TRAPPC9: variants seen among roughly 807,000 people sequenced by gnomAD.
TRAPPC9 encodes the protein IKK2 binding protein.
TRAPPC9 carries 83 observed loss-of-function variants against 124.0 expected under a neutral mutation model. The observed-to-expected ratio is 0.67, with a 90% CI of 0.56 to 0.80. The LOEUF (loss-of-function observed/expected upper bound fraction) is 0.80. TRAPPC9 is among the 30% of genes least tolerant of loss of function. The pLI is 0.00. For missense variants in TRAPPC9, 1,302 were observed against 1,508.3 expected (o/e 0.86, Z 2.27); for synonymous variants, 638 against 617.5 (o/e 1.03, Z -0.49).
chr8:140,251,151 A>C (rs535304762), intron 16 of TRAPPC9, among the ~76,000 whole-genome samples: 2 of 152,334 alleles, frequency 1.3e-5, no homozygotes, highest in Non-Finnish European at 2.9e-5. Context: ...CCATGGGAGA[A>C]ACCACGGTCA....
chr8:139,989,296 G>A (rs548931386), intron 18 of TRAPPC9, among the ~76,000 whole-genome samples: 7 of 126,246 alleles, frequency 5.5e-5, no homozygotes, highest in Admixed American at 8.2e-5. Flanking sequence ...GCGTGGTGAC[G>A]CATGTCCTGC....
At chr8:140,184,354 A>C (rs1048913340) in intron 17 of TRAPPC9, among the ~76,000 whole-genome samples, 7 of 152,166 alleles carry the variant, frequency 4.6e-5, no homozygotes, top group African/African-American at 1.7e-4. Context: ...CTGTTTGTCT[A>C]TTTGGTAGAA....
At chr8:139,839,479 G>A (rs563681844) in intron 21 of TRAPPC9, among the ~76,000 whole-genome samples, 5 of 152,292 alleles carry the variant, frequency 3.3e-5, no homozygotes, top group East Asian at 1.9e-4. Context: ...GCGGGGATGC[G>A]GACAGTGGGG....
At chr8:140,085,621 T>G (rs2130082130) in intron 17 of TRAPPC9, among the ~76,000 whole-genome samples, 1 of 152,234 alleles carries the variant, frequency 6.6e-6, no homozygotes, top group East Asian at 1.9e-4. Flanking sequence ...TCCCACCAGG[T>G]GACCAATTCT....
intron 9 of TRAPPC9, among the ~76,000 whole-genome samples, chr8:140,321,176 G>C (rs1314476224): frequency 6.6e-6 from 1 of 152,250 alleles, no homozygotes; most frequent in Non-Finnish European, 1.5e-5. Flanking sequence ...ACTGCCTGCG[G>C]CAGAGAAGCC....
chr8:140,379,931 G>GA (rs934802052), intron 7 of TRAPPC9, among the ~76,000 whole-genome samples: 1 of 152,034 alleles, frequency 6.6e-6, no homozygotes, highest in African/African-American at 2.4e-5. Context: ...CTCCTTCCTG[G>GA]AAAAAAGGAA....
intron 17 of TRAPPC9, among the ~76,000 whole-genome samples, chr8:140,193,938 C>T (rs1400333077): frequency 2.0e-5 from 3 of 152,176 alleles, no homozygotes; most frequent in African/African-American, 7.2e-5. Context: ...TCATTTTGCA[C>T]AAGGCAACAT....
intron 10 of TRAPPC9, among the ~76,000 whole-genome samples, chr8:140,309,951 T>C (rs2066248481): frequency 6.6e-6 from 1 of 152,216 alleles, no homozygotes; most frequent in South Asian, 2.1e-4. Context: ...ATCTCAGCAG[T>C]GCTCTTCAGA....
intron 9 of TRAPPC9, among the ~76,000 whole-genome samples, chr8:140,334,424 A>G (rs1302716633): frequency 6.6e-6 from 1 of 151,840 alleles, no homozygotes; most frequent in African/African-American, 2.4e-5. Flanking sequence ...CCAAGGCAGG[A>G]GGATCACTTG....
chr8:139,891,654 A>C (rs1196433411), intron 20 of TRAPPC9, among the ~76,000 whole-genome samples: 2 of 152,194 alleles, frequency 1.3e-5, no homozygotes, highest in Non-Finnish European at 2.9e-5. Context: ...CCCTGAATCC[A>C]TGAGTTATCA....
At chr8:139,978,669 A>G (rs1836657330) in intron 19 of TRAPPC9, among the ~76,000 whole-genome samples, 1 of 152,214 alleles carries the variant, frequency 6.6e-6, no homozygotes, top group African/African-American at 2.4e-5. Context: ...TGAAATCTCC[A>G]TAATAAAGCT....
At chr8:140,180,995 C>A (rs914333776) in intron 17 of TRAPPC9, among the ~76,000 whole-genome samples, 1 of 152,178 alleles carries the variant, frequency 6.6e-6, no homozygotes, top group African/African-American at 2.4e-5. Context: ...ATTTCTCAGG[C>A]TAATTCTCAG....
intron 15 of TRAPPC9, among the ~76,000 whole-genome samples, chr8:140,274,296 T>C (rs1277796026): frequency 6.6e-6 from 1 of 151,474 alleles, no homozygotes; most frequent in Non-Finnish European, 1.5e-5. Flanking sequence ...AAGCTACAGG[T>C]GACTTCCTGC....
chr8:140,104,927 C>A lies in TRAPPC9; in HGVS notation c.2557-80848G>T, dbSNP rs2060637734. ...TGAGTTGACTCTGCCTCCGCTTGCC[C>A]CCTGGGCCTGTCATCCATGCTGCAT... On this transcript the variant is annotated intron_variant, in intron 17 of 22. Coordinates refer to ENST00000438773, the MANE Select transcript of TRAPPC9 (RefSeq NM_001160372.4). This position sits in a 1 kb window ranked among gnomAD's most constrained non-coding sequence, Gnocchi z 4.0. Among the ~76,000 whole-genome samples the A allele has an allele frequency of 1.3e-5, 2 of 152,214 alleles. No individual in the cohort carries two copies. Among genetic ancestry groups the A allele is most frequent in the South Asian group, 4.1e-4 (2 of 4,832 alleles).
intron 21 of TRAPPC9, among the ~76,000 whole-genome samples, chr8:139,769,412 C>T (rs996248865): frequency 1.6e-4 from 25 of 152,186 alleles, no homozygotes; most frequent in Admixed American, 1.6e-3. Context: ...ATGTGCACAG[C>T]GTGGATTCAC....
rs779953213 is a variant in TRAPPC9, at chr8:140,418,771, T to TAGATAGACAGAC, written c.886+7843_886+7844insGTCTGTCTATCT. 1.7e-3 allele frequency among the ~76,000 whole-genome samples: 221 copies of TAGATAGACAGAC among 131,250 alleles called. 2 individuals carry two copies. The Middle Eastern group carries it at 0.026, about 15-fold the overall frequency. The allele number at this position is 131,250 out of a possible 152,430, so 86.1% of individuals were successfully genotyped here. On this transcript the variant is annotated intron_variant, in intron 5 of 22. Transcript: ENST00000438773. ...ATAGATAGATAGATAGATAGATAGATAGACAGACAGACAGACAGATGCAAA... is the reference window on the plus strand; with the variant it reads ...ATAGATAGATAGATAGATAGATAGATAGATAGACAGACAGACAGACAGACAGACAGATGCAAA...
intron 11 of TRAPPC9, 131 bp downstream of exon 11, chr8:140,300,338 C>T (rs564064404): frequency 2.0e-4 from 227 of 1,150,780 alleles, no homozygotes; most frequent in African/African-American, 2.9e-4. Flanking sequence ...CATATGCATG[C>T]GTGCACACAT....
At chr8:140,106,583 G>A (rs1354196554) in intron 17 of TRAPPC9, among the ~76,000 whole-genome samples, 1 of 152,122 alleles carries the variant, frequency 6.6e-6, no homozygotes, top group African/African-American at 2.4e-5. Flanking sequence ...CTGTGTTCTT[G>A]GTCGTGGGGG....
At chr8:139,955,773 G>A (rs898407448) in intron 19 of TRAPPC9, among the ~76,000 whole-genome samples, 3 of 152,162 alleles carry the variant, frequency 2.0e-5, no homozygotes, top group African/African-American at 7.2e-5. Context: ...TGTTCGTGAG[G>A]GCTGTGCTAA....
Sources: allele counts gnomAD v4.1 joint callset (sites outside exome capture counted in the v4.1 genomes callset), GRCh38; gene constraint gnomAD v4.1.1; non-coding constraint Gnocchi (gnomAD v3.1); transcripts MANE v1.5; gene names NCBI Gene and HGNC (gene_info 2026-07-23, HGNC 2026-07-21).